RTN4: variants seen among roughly 807,000 people sequenced by gnomAD.
The protein encoded by RTN4 is reticulon-4.
A neutral mutation model predicts 90.4 loss-of-function variants in RTN4; 32 were observed. That is an observed-to-expected ratio of 0.35 (90% CI 0.27 to 0.48). The LOEUF (loss-of-function observed/expected upper bound fraction) is 0.48. Ranked by LOEUF, RTN4 falls within the 20% of genes least tolerant of loss-of-function variation. RTN4 has a pLI of 0.99. For missense variants in RTN4, 1,706 were observed against 1,430.2 expected, an observed-to-expected ratio of 1.19 and a Z score of -3.11; for synonymous variants, 629 against 552.5, an observed-to-expected ratio of 1.14 and a Z score of -1.94.
chr2:55,110,416 C>A (rs1436218305), intron 1 of RTN4, among the ~76,000 whole-genome samples: 1 of 151,990 alleles, frequency 6.6e-6, no homozygotes, highest in Non-Finnish European at 1.5e-5. Context: ...AGTACCCCTT[C>A]TCACCTTCCA....
Position 54,973,075 on chromosome 2 carries a change from C to A in RTN4, c.*81G>T. The A allele has an allele frequency of 8.6e-7, 1 of 1,157,800 alleles. No homozygotes were observed. Among genetic ancestry groups the A allele is most frequent in the East Asian group, 2.4e-5 (1 of 41,726 alleles). 71.7% of individuals were successfully genotyped at this position (1,157,800 alleles called of 1,614,324 possible). A position where few individuals can be genotyped will look rare whatever the true frequency, so the allele number is the denominator to read the frequency against. ...GAAACTGCACTGCAACGTCAAGGTT[C>A]GTTCTTCCCTGACCCTCCCCCGTAT... On this transcript the variant is annotated 3_prime_UTR_variant, in exon 9 of 9. Coordinates refer to ENST00000337526, the MANE Select transcript of RTN4 (RefSeq NM_020532.5).
At chr2:54,993,834 T>A (rs1679214144) in intron 3 of RTN4, among the ~76,000 whole-genome samples, 1 of 152,164 alleles carries the variant, frequency 6.6e-6, no homozygotes, top group African/African-American at 2.4e-5. Flanking sequence ...TATGAATATA[T>A]CCTAGAATAG....
rs201396177 is a variant in RTN4 at position 55,050,360 on chromosome 2, A to G, written c.-60T>C. 2.2e-5 allele frequency: 26 copies of G among 1,186,924 alleles called. No individual in the cohort carries two copies. In the East Asian group the frequency reaches 6.6e-4, roughly 30 times the overall value. 73.5% of individuals were successfully genotyped at this position (1,186,924 alleles called of 1,614,324 possible). On this transcript the variant is annotated 5_prime_UTR_variant, in exon 1 of 9. Coordinates refer to ENST00000337526, the MANE Select transcript of RTN4 (RefSeq NM_020532.5). This position sits in a 1 kb window ranked among gnomAD's most constrained non-coding sequence, Gnocchi z 4.6. ...CGCCGCCGCCGGGGCCGCGTCTCAGAGCCGCGGGCGGTTGTGGGGGTTGGG... is the reference window on the plus strand; with the variant it reads ...CGCCGCCGCCGGGGCCGCGTCTCAGGGCCGCGGGCGGTTGTGGGGGTTGGG...
chr2:55,047,376 C>G (rs868606355), intron 1 of RTN4, among the ~76,000 whole-genome samples: 10 of 150,454 alleles, frequency 6.6e-5, no homozygotes, highest in African/African-American at 2.4e-4. Flanking sequence ...TCATATTTTT[C>G]TCTTACCTCA....
At chr2:55,136,560 T>C in the RTN4 span, among the ~76,000 whole-genome samples, 148,634 of 152,376 alleles carry the variant, frequency 0.98, 72,543 homozygotes, top group African/African-American at 0.99. Flanking sequence ...ACACCTTATG[T>C]CCCTCAGATG....
upstream of RTN4, among the ~76,000 whole-genome samples, chr2:55,114,544 C>G (rs1338349175): frequency 1.3e-5 from 2 of 152,106 alleles, no homozygotes; most frequent in Non-Finnish European, 2.9e-5. Context: ...ACTAAAAATA[C>G]AAAAATTAGA....
chr2:55,072,564 G>A (rs1418730228), intron 2 of RTN4, among the ~76,000 whole-genome samples: 3 of 152,190 alleles, frequency 2.0e-5, no homozygotes, highest in Admixed American at 2.0e-4. Context: ...ATTCTTGGTT[G>A]TGAAGCTTCT....
chr2:55,009,519 T>C (rs1446842156), intron 3 of RTN4, among the ~76,000 whole-genome samples: 1 of 152,184 alleles, frequency 6.6e-6, no homozygotes, highest in South Asian at 2.1e-4. Context: ...GACTTAAATA[T>C]AGACATGCAT....
chr2:54,984,491 AC>A (rs1678392711), intron 4 of RTN4, among the ~76,000 whole-genome samples: 1 of 152,214 alleles, frequency 6.6e-6, no homozygotes, highest in Non-Finnish European at 1.5e-5. Context: ...GGCTGATATA[AC>A]CCTGGTTGGT....
In RTN4 at chr2:55,066,183, G is replaced by GTGTGTT. The variant is rs1336273339; in HGVS notation, c.-63+14305_-63+14306insAACACA. ...TATGAACCCATTTGTGTGTGTGTGTGTGTGTGTGTTTGTGTGTGTGTGTGT... is the reference window on the plus strand; with the variant it reads ...TATGAACCCATTTGTGTGTGTGTGTGTGTGTTTGTGTGTGTTTGTGTGTGTGTGTGT... On this transcript the variant is annotated intron_variant, in intron 2 of 3. Transcript: ENST00000427710. Among the ~76,000 whole-genome samples, 239 of 119,352 alleles carry GTGTGTT rather than the reference G, an allele frequency of 2.0e-3. 1 individual carries two copies. The highest frequency in any genetic ancestry group is 7.0e-3 in the African/African-American group (226 of 32,246). 78.3% of individuals were successfully genotyped at this position (119,352 alleles called of 152,430 possible). A position where few individuals can be genotyped will look rare whatever the true frequency, so the allele number is the denominator to read the frequency against.
intron 3 of RTN4, among the ~76,000 whole-genome samples, chr2:55,020,797 A>G (rs943458356): frequency 2.6e-5 from 4 of 152,040 alleles, no homozygotes; most frequent in African/African-American, 9.7e-5. Flanking sequence ...ATCCTTGAAC[A>G]CAGGAGTTTG....
chr2:55,115,786 AT>A (rs1249452683), upstream of RTN4, among the ~76,000 whole-genome samples: 1 of 152,216 alleles, frequency 6.6e-6, no homozygotes, highest in African/African-American at 2.4e-5. Context: ...AGCAACTTGT[AT>A]ATCTGGCTCA....
At position 54,972,437 on chromosome 2, in the gene RTN4, T is replaced by C. The variant is rs1216030479; in HGVS notation, c.*719A>G. 2 of 152,624 alleles carry C rather than the reference T, an allele frequency of 1.3e-5. No homozygotes were observed. The highest frequency in any genetic ancestry group is 2.1e-4 in the South Asian group (1 of 4,834). The allele number at this position is 152,624 out of a possible 1,614,324, so 9.5% of individuals were successfully genotyped here. A position where few individuals can be genotyped will look rare whatever the true frequency, so the allele number is the denominator to read the frequency against. ...ATGAAATTGATGTTGGAGTTCTATG[T>C]GTGTGGCATTTCATGTTGAAAACAG... On this transcript the variant is annotated 3_prime_UTR_variant, in exon 9 of 9. Transcript: ENST00000337526.
At chr2:55,115,510 G>C (rs983604588), upstream of RTN4, among the ~76,000 whole-genome samples, 3 of 152,158 alleles carry the variant, frequency 2.0e-5, no homozygotes, top group Non-Finnish European at 2.9e-5. Context: ...GCACGATTTT[G>C]CCCACCACAC....
At chr2:55,059,613 C>T (rs562172918) in intron 2 of RTN4, among the ~76,000 whole-genome samples, 4 of 152,046 alleles carry the variant, frequency 2.6e-5, no homozygotes, top group African/African-American at 9.6e-5. Flanking sequence ...GTGGGTGTAT[C>T]GCTTGAGGTC....
chr2:55,119,668 G>C, the RTN4 span, among the ~76,000 whole-genome samples: 10 of 152,106 alleles, frequency 6.6e-5, no homozygotes, highest in Non-Finnish European at 1.3e-4. Flanking sequence ...TATTACAGGG[G>C]GCAAAAAAGC....
chr2:55,026,393 G>C lies in RTN4; in HGVS notation c.1706C>G (p.Thr569Arg), dbSNP rs767442213. ...CATTTTTGTTTCATAAGCAATCTTT[G>C]TACCAGTAACTTCATTCAATTCACT... ...CESELNEVTG[T>R]KIAYETKMDL... is the part of the protein sequence containing the mutation. The change falls in exon 3 of 9, where the codon ACA becomes AGA. Residue 569 changes from threonine to arginine, a missense_variant. By Grantham distance (71) the Thr-to-Arg change is moderately conservative (BLOSUM62 -1). Coordinates refer to ENST00000337526, the MANE Select transcript of RTN4 (RefSeq NM_020532.5). The C allele has an allele frequency of 8.7e-6, 14 of 1,613,728 alleles. No individual in the cohort carries two copies. The Admixed American group carries it at 2.3e-4, about 27-fold the overall frequency.
intron 1 of RTN4, among the ~76,000 whole-genome samples, chr2:55,034,753 A>T (rs781310701): frequency 3.9e-5 from 6 of 152,204 alleles, no homozygotes; most frequent in Non-Finnish European, 5.9e-5. Flanking sequence ...AATTTTTCTC[A>T]TTTCTTAGTT....
chr2:55,113,081 C>A (rs1668066612), upstream of RTN4, among the ~76,000 whole-genome samples: 1 of 152,122 alleles, frequency 6.6e-6, no homozygotes, highest in Admixed American at 6.5e-5. Flanking sequence ...GCCCCAAAAA[C>A]CACCAGCACT....
Sources: allele counts gnomAD v4.1 joint callset (sites outside exome capture counted in the v4.1 genomes callset), GRCh38; gene constraint gnomAD v4.1.1; non-coding constraint Gnocchi (gnomAD v3.1); transcripts MANE v1.5; gene names NCBI Gene and HGNC (gene_info 2026-07-23, HGNC 2026-07-21).